DLG1: variants seen among roughly 807,000 people sequenced by gnomAD.
DLG1 encodes disks large homolog 1.
DLG1 carries 42 observed loss-of-function variants against 123.4 expected under a neutral mutation model. The ratio of observed to expected loss-of-function variants is 0.34; its 90% CI spans 0.27 to 0.44. The LOEUF is 0.44. Among genes scored for constraint, DLG1 ranks in the 20% least tolerant of loss-of-function variants. DLG1 has a pLI of 1.00. For missense variants in DLG1, 942 were observed against 1,082.6 expected (o/e 0.87, Z 1.82); for synonymous variants, 317 against 356.2 (o/e 0.89, Z 1.24).
At chr3:197,220,364 A>G (rs1428779127) in intron 4 of DLG1, among the ~76,000 whole-genome samples, 2 of 152,204 alleles carry the variant, frequency 1.3e-5, no homozygotes, top group African/African-American at 2.4e-5. Flanking sequence ...AGAAAATTTT[A>G]TAAGTATATA....
intron 3 of DLG1, among the ~76,000 whole-genome samples, chr3:197,283,859 G>GTTTTTT (rs36055840): frequency 1.9e-5 from 2 of 104,898 alleles, no homozygotes; most frequent in Non-Finnish European, 1.9e-5. Context: ...CAGTTGGGTT[G>GTTTTTT]TTTTTTTTTT....
intron 24 of DLG1, among the ~76,000 whole-genome samples, chr3:197,048,023 A>G (rs1005881127): frequency 6.6e-6 from 1 of 152,242 alleles, no homozygotes. Flanking sequence ...GTTAATATCC[A>G]AAATATATAA....
chr3:197,138,320 G>A lies in DLG1; in HGVS notation c.785C>T (p.Ala262Val), dbSNP rs2271822. The change falls in exon 9 of 25, where the codon GCG becomes GTG. Residue 262 changes from alanine to valine, a missense_variant. By Grantham distance (64) the Ala-to-Val change is moderately conservative. Transcript: ENST00000667157. The stretch of plus-strand genomic sequence containing the variant: ...TACAATAGACCCTGCTTCTTTCAAC[G>A]CTTCAACTGCTTTGCTATGTGTTAC... Reference protein sequence around the residue: ...RDVTHSKAVEALKEAGSIVRL... With the variant: ...RDVTHSKAVEVLKEAGSIVRL... The A allele has an allele frequency of 2.7e-4, 428 of 1,600,686 alleles. 6 individuals are homozygous for A. In the East Asian group the frequency reaches 9.2e-3, roughly 35 times the overall value.
At chr3:197,296,694 G>C (rs1579612038) in intron 2 of DLG1, 2 of 448,746 alleles carry the variant, frequency 4.5e-6, no homozygotes, top group Non-Finnish European at 3.9e-6. Context: ...TATCACATTA[G>C]AAAACGGAGG....
intron 6 of DLG1, among the ~76,000 whole-genome samples, chr3:197,146,547 G>C (rs1790853806): frequency 6.6e-6 from 1 of 152,112 alleles, no homozygotes; most frequent in Non-Finnish European, 1.5e-5. Context: ...CATAAAGTGG[G>C]GAAAGGACAC....
At chr3:197,161,235 A>C (rs761588982) in intron 5 of DLG1, among the ~76,000 whole-genome samples, 3 of 152,206 alleles carry the variant, frequency 2.0e-5, no homozygotes, top group Non-Finnish European at 4.4e-5. Context: ...ATTTCCAAAG[A>C]AGATAAATAT....
chr3:197,070,587 T>TTTTTA (rs1743158841), intron 18 of DLG1: 2 of 114,114 alleles, frequency 1.8e-5, no homozygotes, highest in African/African-American at 7.3e-5. Context: ...TTTTTTTTTT[T>TTTTTA]GAGATAGTCT....
At chr3:197,125,901 G>C (rs1403114568) in intron 11 of DLG1, among the ~76,000 whole-genome samples, 2 of 152,196 alleles carry the variant, frequency 1.3e-5, no homozygotes, top group African/African-American at 4.8e-5. Flanking sequence ...GGGATAGAGA[G>C]TAAGCTGAAT....
chr3:197,158,235 A>T (rs980640969), intron 5 of DLG1, among the ~76,000 whole-genome samples: 4 of 152,136 alleles, frequency 2.6e-5, no homozygotes, highest in Non-Finnish European at 4.4e-5. Context: ...CCTCACACCC[A>T]CTAGCCTGGC....
intron 14 of DLG1, among the ~76,000 whole-genome samples, chr3:197,103,799 G>C (rs1406333404): frequency 6.6e-6 from 1 of 151,274 alleles, no homozygotes; most frequent in East Asian, 1.9e-4. Flanking sequence ...ATAAATTACA[G>C]AATTACTCAT....
At chr3:197,165,963 G>C (rs1028768367) in intron 5 of DLG1, among the ~76,000 whole-genome samples, 1 of 152,188 alleles carries the variant, frequency 6.6e-6, no homozygotes, top group African/African-American at 2.4e-5. Flanking sequence ...TCCTGAATAG[G>C]AAAGTGCATG....
chr3:197,060,573 C>T (rs969548791), intron 22 of DLG1, among the ~76,000 whole-genome samples: 3 of 152,156 alleles, frequency 2.0e-5, no homozygotes, highest in Non-Finnish European at 4.4e-5. Flanking sequence ...TTTGTGAAAC[C>T]TCATTGCCAC....
intron 5 of DLG1, among the ~76,000 whole-genome samples, chr3:197,185,980 A>C (rs1715715976): frequency 1.3e-5 from 2 of 152,240 alleles, no homozygotes; most frequent in African/African-American, 4.8e-5. Flanking sequence ...TAAAGTTGAC[A>C]GATCACTGCC....
intron 4 of DLG1, among the ~76,000 whole-genome samples, chr3:197,222,742 C>CA (rs894830056): frequency 8.5e-5 from 13 of 152,082 alleles, no homozygotes; most frequent in African/African-American, 2.4e-4. Context: ...AGAAGACACC[C>CA]AAAAAAACAC....
rs529814916 is a variant in DLG1, at chr3:197,178,958, GA to G, written c.483+15466del. Among the ~76,000 whole-genome samples, 659 of 152,266 alleles carry G rather than the reference GA, an allele frequency of 4.3e-3. 5 individuals carry two copies. Among genetic ancestry groups the G allele is most frequent in the South Asian group, 0.017 (84 of 4,814 alleles). On this transcript the variant is annotated intron_variant, in intron 5 of 24. Coordinates refer to ENST00000667157, the MANE Select transcript of DLG1 (RefSeq NM_001366207.1). ...ACAGAGGCAAGACAGATGATGCAGT[GA>G]AGAGAGAAAGGGATTTCAGAAGTTC...
intron 11 of DLG1, among the ~76,000 whole-genome samples, chr3:197,120,576 A>T (rs1775791749): frequency 6.6e-6 from 1 of 152,248 alleles, no homozygotes; most frequent in African/African-American, 2.4e-5. Flanking sequence ...ATTATCAAGC[A>T]TTAATCTCTT....
intron 3 of DLG1, among the ~76,000 whole-genome samples, chr3:197,290,176 T>C (rs1257259592): frequency 6.6e-6 from 1 of 151,348 alleles, no homozygotes; most frequent in East Asian, 1.9e-4. Flanking sequence ...AAAAAACAGG[T>C]ATCTGCAAGT....
chr3:197,118,834 GCAAA>G (rs1404076341), intron 12 of DLG1, among the ~76,000 whole-genome samples: 2 of 152,216 alleles, frequency 1.3e-5, no homozygotes, highest in African/African-American at 4.8e-5. Context: ...AGGATATATA[GCAAA>G]CAAACAAACC....
chr3:197,257,832 G>A (rs1275717227), intron 4 of DLG1, among the ~76,000 whole-genome samples: 1 of 152,088 alleles, frequency 6.6e-6, no homozygotes, highest in Non-Finnish European at 1.5e-5. Context: ...CTCTTGTTGG[G>A]CCTTTTATGC....
Sources: gnomAD v4.1 joint callset for allele counts (sites outside exome capture counted in the v4.1 genomes callset) on GRCh38, gnomAD v4.1.1 for gene constraint, MANE v1.5 for transcripts, NCBI Gene and HGNC (gene_info 2026-07-23, HGNC 2026-07-21) for gene names.